Variants in ZNF385B observed in about 807,000 individuals in gnomAD.
The protein encoded by ZNF385B is zinc finger protein 385B.
Under a neutral mutation model 39.2 loss-of-function variants are expected in ZNF385B, and 23 were observed. The observed-to-expected ratio is 0.59, with a 90% CI of 0.42 to 0.83. The LOEUF is 0.83. Ranked by LOEUF, ZNF385B falls within the 40% of genes least tolerant of loss-of-function variation. The pLI, the probability that ZNF385B is intolerant of heterozygous loss-of-function variation, is 0.00. For missense variants in ZNF385B, 552 were observed against 598.9 expected, an observed-to-expected ratio of 0.92 and a Z score of 0.82; for synonymous variants, 205 against 222.6, an observed-to-expected ratio of 0.92 and a Z score of 0.70.
chr2:179,706,891 T>C (rs1699641923), intron 3 of ZNF385B, among the ~76,000 whole-genome samples: 1 of 152,140 alleles, frequency 6.6e-6, no homozygotes, highest in Non-Finnish European at 1.5e-5. Flanking sequence ...GATGACAAAA[T>C]GGAGACCCTG....
rs543820214 is a variant in ZNF385B, at chr2:179,628,285, T to C, written c.299-83316A>G. Among the ~76,000 whole-genome samples, 11 of 152,332 alleles carry C rather than the reference T, an allele frequency of 7.2e-5. No individual in the cohort carries two copies. The East Asian group carries it at 1.3e-3, about 19-fold the overall frequency. ...GCTTTGTTCAAATCAAGATCCAGAC[T>C]ATCTGGATGAAATGTCTTTAAGTAT... On this transcript the variant is annotated intron_variant, in intron 3 of 9. Coordinates refer to ENST00000410066, the MANE Select transcript of ZNF385B (RefSeq NM_152520.6).
intron 3 of ZNF385B, chr2:179,583,870 G>C: frequency 7.8e-7 from 1 of 1,287,698 alleles, no homozygotes; most frequent in East Asian, 5.6e-5. Context: ...AGATCTTACT[G>C]CCCTCAGTCC....
At chr2:179,444,007 A>T (rs2049215310) in intron 9 of ZNF385B, among the ~76,000 whole-genome samples, 1 of 152,198 alleles carries the variant, frequency 6.6e-6, no homozygotes, top group African/African-American at 2.4e-5. Flanking sequence ...ATCACAGCTA[A>T]ATCAAATTTC....
intron 6 of ZNF385B, among the ~76,000 whole-genome samples, chr2:179,479,013 C>A (rs2053709177): frequency 6.6e-6 from 1 of 152,094 alleles, no homozygotes; most frequent in Admixed American, 6.6e-5. Flanking sequence ...TGTGTTTTGA[C>A]CCCAATTCTC....
intron 6 of ZNF385B, among the ~76,000 whole-genome samples, chr2:179,476,693 G>A (rs529622951): frequency 6.2e-4 from 94 of 152,322 alleles, no homozygotes; most frequent in African/African-American, 2.1e-3. Context: ...GGATGCTACT[G>A]TCAAATTCAA....
chr2:179,721,755 C>T (rs1700711742), intron 3 of ZNF385B, among the ~76,000 whole-genome samples: 1 of 151,566 alleles, frequency 6.6e-6, no homozygotes, highest in Admixed American at 6.6e-5. Context: ...AAAACTCATA[C>T]CTATTGATGA....
chr2:179,497,165 C>T (rs2056305746), intron 5 of ZNF385B, among the ~76,000 whole-genome samples: 1 of 152,074 alleles, frequency 6.6e-6, no homozygotes, highest in African/African-American at 2.4e-5. Flanking sequence ...GAGAGTATGT[C>T]AGAAAGAAAA....
chr2:179,669,945 A>T (rs2106299823), intron 3 of ZNF385B, among the ~76,000 whole-genome samples: 1 of 152,246 alleles, frequency 6.6e-6, no homozygotes, highest in African/African-American at 2.4e-5. Context: ...GTACATGTTG[A>T]GCAACCAGCT....
At chr2:179,640,945 T>C (rs886575655) in intron 3 of ZNF385B, among the ~76,000 whole-genome samples, 34 of 152,220 alleles carry the variant, frequency 2.2e-4, no homozygotes, top group Admixed American at 1.3e-3. Flanking sequence ...TTCAAAGTTA[T>C]GAATGTACTT....
chr2:179,563,786 G>A (rs898293155), intron 3 of ZNF385B, among the ~76,000 whole-genome samples: 1 of 152,064 alleles, frequency 6.6e-6, no homozygotes, highest in African/African-American at 2.4e-5. Context: ...AGTCATGGCT[G>A]TGGTTTTCAC....
At chr2:179,474,717 G>A (rs1039688531) in intron 6 of ZNF385B, among the ~76,000 whole-genome samples, 2 of 152,122 alleles carry the variant, frequency 1.3e-5, no homozygotes, top group Non-Finnish European at 2.9e-5. Flanking sequence ...ATTAGGTGCT[G>A]CATAATGAAA....
chr2:179,558,336 A>G (rs6433796), intron 3 of ZNF385B, among the ~76,000 whole-genome samples: 46,453 of 152,042 alleles, frequency 0.31, 7,423 homozygotes, highest in Middle Eastern at 0.46. Context: ...GAGAATTTCA[A>G]TTCCTGCTTT....
rs1275795889 is a variant in ZNF385B, at chr2:179,633,005, AG to A, written c.299-88037del. 5.9e-5 allele frequency among the ~76,000 whole-genome samples: 9 copies of A among 152,352 alleles called. No individual in the cohort carries two copies. In the East Asian group the frequency reaches 1.5e-3, roughly 26 times the overall value. On this transcript the variant is annotated intron_variant, in intron 3 of 9. Transcript: ENST00000410066. ...AGACCCTCCCAAGACTAAACCAGGA[AG>A]AAGTTGAATCTCTGAATAGACCAAT...
At chr2:179,653,023 A>G (rs538306330) in intron 3 of ZNF385B, among the ~76,000 whole-genome samples, 16 of 152,262 alleles carry the variant, frequency 1.1e-4, no homozygotes, top group Admixed American at 6.5e-4. Context: ...TATTTAGCCC[A>G]TAATATATGC....
In ZNF385B at chr2:179,549,227, T is replaced by C. The variant is rs150160350; in HGVS notation, c.299-4258A>G. Among the ~76,000 whole-genome samples the C allele has an allele frequency of 3.7e-3, 547 of 149,680 alleles. 57 individuals carry two copies. The highest frequency in any genetic ancestry group is 0.013 in the African/African-American group (503 of 39,804). Reference sequence around the variant, plus strand: ...TATCCATTCATCAATTGATAGGCATTTGAATTACTCCCACTATTTTGCTAT... The same window carrying C: ...TATCCATTCATCAATTGATAGGCATCTGAATTACTCCCACTATTTTGCTAT... On this transcript the variant is annotated intron_variant, in intron 3 of 9. Coordinates refer to ENST00000410066, the MANE Select transcript of ZNF385B (RefSeq NM_152520.6).
chr2:179,646,156 T>C (rs957580142), intron 3 of ZNF385B, among the ~76,000 whole-genome samples: 2 of 152,236 alleles, frequency 1.3e-5, no homozygotes, highest in Non-Finnish European at 2.9e-5. Context: ...GGCTCATGCC[T>C]GTAATCCCAG....
At chr2:179,573,403 T>C (rs1432762610) in intron 3 of ZNF385B, among the ~76,000 whole-genome samples, 8 of 152,050 alleles carry the variant, frequency 5.3e-5, no homozygotes, top group Admixed American at 1.3e-4. Flanking sequence ...ATGCTAACAA[T>C]ACTTTGTGAG....
At chr2:179,450,607 C>T (rs1483475699) in intron 6 of ZNF385B, among the ~76,000 whole-genome samples, 1 of 151,934 alleles carries the variant, frequency 6.6e-6, no homozygotes, top group Non-Finnish European at 1.5e-5. Context: ...ACAACAGGTG[C>T]TGGAGAGGAT....
intron 3 of ZNF385B, among the ~76,000 whole-genome samples, chr2:179,582,944 G>A (rs1265314656): frequency 6.6e-6 from 1 of 152,122 alleles, no homozygotes; most frequent in Non-Finnish European, 1.5e-5. Context: ...CTGCCTCCTG[G>A]GTTCAAGCGA....
Sources: gnomAD v4.1 joint callset for allele counts (sites outside exome capture counted in the v4.1 genomes callset) on GRCh38, gnomAD v4.1.1 for gene constraint, MANE v1.5 for transcripts, NCBI Gene and HGNC (gene_info 2026-07-23, HGNC 2026-07-21) for gene names.